PCDH7: variants seen among roughly 807,000 people sequenced by gnomAD.
PCDH7 encodes protocadherin 7, also known as protocadherin-7.
In PCDH7, 17 loss-of-function variants were observed where a neutral mutation model predicts 58.9. That is an observed-to-expected ratio of 0.29 (90% CI 0.20 to 0.43). The LOEUF is 0.43. PCDH7 is among the 20% of genes least tolerant of loss of function. PCDH7 has a pLI of 1.00. For synonymous variants in PCDH7, 664 were observed against 616.4 expected, an observed-to-expected ratio of 1.08 and a Z score of -1.14; for missense variants, 1,274 against 1,441.0, an observed-to-expected ratio of 0.88 and a Z score of 1.88.
At chr4:31,109,640 T>G (rs1716035201) in intron 3 of PCDH7, among the ~76,000 whole-genome samples, 1 of 152,248 alleles carries the variant, frequency 6.6e-6, no homozygotes, top group Admixed American at 6.5e-5. Flanking sequence ...TGTCGTGTAC[T>G]TCTCACAAGT....
Position 30,955,273 on chromosome 4 carries a change from C to G in PCDH7, c.*7+5058C>G, listed in dbSNP as rs1747734258. Reference sequence around the variant, plus strand: ...TAACTCAGAAGACAGATGAGGGATTCAACTCATTCTTTGTGCTTCTTAGCA... The same window carrying G: ...TAACTCAGAAGACAGATGAGGGATTGAACTCATTCTTTGTGCTTCTTAGCA... On this transcript the variant is annotated intron_variant, in intron 3 of 3. Coordinates refer to the PCDH7 transcript ENST00000509759. Among the ~76,000 whole-genome samples the G allele has an allele frequency of 2.0e-5, 3 of 151,648 alleles. No individual in the cohort carries two copies. In the South Asian group the frequency reaches 6.2e-4, roughly 31 times the overall value.
intron 3 of PCDH7, among the ~76,000 whole-genome samples, chr4:30,983,506 A>G (rs10805302): frequency 0.064 from 9,704 of 152,252 alleles, 359 homozygotes; most frequent in East Asian, 0.16. Context: ...CGGAATTTCA[A>G]AGAAAAAGCT....
intron 3 of PCDH7, among the ~76,000 whole-genome samples, chr4:31,117,785 G>A (rs1279932223): frequency 2.0e-5 from 3 of 152,150 alleles, no homozygotes; most frequent in Non-Finnish European, 2.9e-5. Flanking sequence ...ACACATGGTA[G>A]GACTGTGATG....
chr4:30,811,738 G>GT, intron 1 of PCDH7, among the ~76,000 whole-genome samples: 1 of 152,182 alleles, frequency 6.6e-6, no homozygotes, highest in African/African-American at 2.4e-5. Flanking sequence ...AATCTGTAGT[G>GT]TTTTTAGTGA....
intron 3 of PCDH7, among the ~76,000 whole-genome samples, chr4:30,994,934 G>A (rs1751751431): frequency 6.6e-6 from 1 of 152,124 alleles, no homozygotes; most frequent in Admixed American, 6.5e-5. Flanking sequence ...AAATTGAGAT[G>A]TGTGGTCAGT....
exon 2 of PCDH7, chr4:30,732,449 A>G (rs1309251745): frequency 6.6e-6 from 1 of 152,232 alleles, no homozygotes; most frequent in Non-Finnish European, 1.5e-5. Context: ...CATAGAAGTG[A>G]TATTTATGAA....
At chr4:31,076,960 C>A (rs1215457183) in intron 3 of PCDH7, among the ~76,000 whole-genome samples, 1 of 151,806 alleles carries the variant, frequency 6.6e-6, no homozygotes, top group Non-Finnish European at 1.5e-5. Context: ...TGAGACTGGG[C>A]AGGAATGCTC....
intron 3 of PCDH7, among the ~76,000 whole-genome samples, chr4:31,079,337 T>TAGATAG (rs1759294660): frequency 3.6e-5 from 3 of 84,080 alleles, no homozygotes; most frequent in Non-Finnish European, 6.4e-5. Flanking sequence ...TATATATATA[T>TAGATAG]ATATATATAT....
At chr4:30,955,055 T>G (rs1357635296) in intron 3 of PCDH7, among the ~76,000 whole-genome samples, 1 of 152,072 alleles carries the variant, frequency 6.6e-6, no homozygotes, top group East Asian at 1.9e-4. Flanking sequence ...TCATAAATTC[T>G]GAGAATGCTT....
At chr4:30,816,567 T>C (rs568572671) in intron 1 of PCDH7, among the ~76,000 whole-genome samples, 83 of 152,210 alleles carry the variant, frequency 5.5e-4, no homozygotes, top group Middle Eastern at 3.4e-3. Flanking sequence ...TTAACTTCTC[T>C]TAAATTTGGG....
intron 1 of PCDH7, among the ~76,000 whole-genome samples, chr4:30,827,515 T>C (rs1300217788): frequency 6.6e-6 from 1 of 152,128 alleles, no homozygotes; most frequent in Non-Finnish European, 1.5e-5. Flanking sequence ...TTTGAACAGT[T>C]ACCTAGGTAT....
intron 1 of PCDH7, among the ~76,000 whole-genome samples, chr4:30,785,275 T>A (rs984989606): frequency 2.6e-5 from 4 of 152,042 alleles, no homozygotes; most frequent in African/African-American, 9.7e-5. Flanking sequence ...TATCAGAAAC[T>A]TTGAAATATT....
At chr4:30,850,788 T>G (rs1419195235) in intron 1 of PCDH7, among the ~76,000 whole-genome samples, 2 of 151,990 alleles carry the variant, frequency 1.3e-5, no homozygotes, top group Non-Finnish European at 2.9e-5. Flanking sequence ...AGACCTTGCG[T>G]TTTTGGTTAG....
chr4:30,743,828 G>T (rs1717406619), intron 1 of PCDH7, among the ~76,000 whole-genome samples: 1 of 152,000 alleles, frequency 6.6e-6, no homozygotes, highest in African/African-American at 2.4e-5. Flanking sequence ...AATCAGTTTG[G>T]TGAACATTGA....
rs1311513893 is a variant in PCDH7, at chr4:30,722,032, G to T, written c.610G>T (p.Ala204Ser). 4.0e-6 allele frequency: 5 copies of T among 1,251,046 alleles called. No individual in the cohort carries two copies. The highest frequency in any genetic ancestry group is 5.0e-6 in the Non-Finnish European group (5 of 1,001,072). The allele number at this position is 1,251,046 out of a possible 1,614,324, so 77.5% of individuals were successfully genotyped here. A position where few individuals can be genotyped will look rare whatever the true frequency, so the allele number is the denominator to read the frequency against. The stretch of plus-strand genomic sequence containing the variant: ...CCGGCGCGCCGGGGCGGCCGACAGC[G>T]CCCCCTACCCCGGGGGCGGCGGGAA... Residue 204 changes from alanine (A) to serine (S), a missense_variant, in exon 1 of 2, where the codon GCC (alanine) becomes TCC (serine). Physicochemically the swap from Ala to Ser is moderately conservative, Grantham distance 99. Transcript: ENST00000361762. This position sits in a 1 kb window ranked among gnomAD's most constrained non-coding sequence, Gnocchi z 7.6.
chr4:31,120,085 C>T (rs953971315), intron 3 of PCDH7, among the ~76,000 whole-genome samples: 1 of 152,058 alleles, frequency 6.6e-6, no homozygotes, highest in African/African-American at 2.4e-5. Flanking sequence ...GGTGTGAGGG[C>T]TGTCTCCTGC....
At chr4:30,813,569 AC>A (rs1319351825) in intron 1 of PCDH7, among the ~76,000 whole-genome samples, 1 of 152,198 alleles carries the variant, frequency 6.6e-6, no homozygotes, top group Non-Finnish European at 1.5e-5. Flanking sequence ...AGAGGAAAGT[AC>A]TAAACTCATG....
intron 1 of PCDH7, among the ~76,000 whole-genome samples, chr4:30,804,464 G>C (rs2109308549): frequency 1.3e-5 from 2 of 151,868 alleles, no homozygotes; most frequent in African/African-American, 4.8e-5. Flanking sequence ...GCTTGGACCT[G>C]GGAGGCAGAG....
intron 1 of PCDH7, among the ~76,000 whole-genome samples, chr4:30,915,967 C>T (rs184539988): frequency 3.3e-5 from 5 of 152,280 alleles, no homozygotes; most frequent in East Asian, 3.9e-4. Context: ...TCCTAAATTC[C>T]TGAGTGTTAC....
Sources: allele counts gnomAD v4.1 joint callset (sites outside exome capture counted in the v4.1 genomes callset), GRCh38; gene constraint gnomAD v4.1.1; non-coding constraint Gnocchi (gnomAD v3.1); transcripts MANE v1.5; gene names NCBI Gene and HGNC (gene_info 2026-07-23, HGNC 2026-07-21).